Variants in CAPG observed in about 807,000 individuals in gnomAD.
CAPG encodes the protein macrophage-capping protein.
CAPG carries 32 observed loss-of-function variants against 44.6 expected under a neutral mutation model. The ratio of observed to expected loss-of-function variants is 0.72; its 90% CI spans 0.54 to 0.96. The LOEUF (loss-of-function observed/expected upper bound fraction) is 0.96, where lower values mean the gene tolerates loss of function less well. Ranked by LOEUF, CAPG falls within the 50% of genes least tolerant of loss-of-function variation. The pLI is 0.00. For missense variants in CAPG, 412 were observed against 438.3 expected (o/e 0.94, Z 0.54); for synonymous variants, 175 against 179.6 (o/e 0.97, Z 0.20).
rs114167618 is a variant in CAPG, at chr2:85,408,455, G to A, written c.-14+1862C>T. Among the ~76,000 whole-genome samples the A allele has an allele frequency of 9.4e-3, 1,420 of 151,410 alleles. 24 individuals are homozygous for A. Among genetic ancestry groups the A allele is most frequent in the African/African-American group, 0.033 (1,369 of 41,212 alleles). On this transcript the variant is annotated intron_variant, in intron 1 of 9. Transcript: ENST00000263867. Reference sequence around the variant, plus strand: ...ACTTCCAGGACATTAAGTGGCCTCCGCCTTCTCTGGGAGTTCTCCCAGCCC... The same window carrying A: ...ACTTCCAGGACATTAAGTGGCCTCCACCTTCTCTGGGAGTTCTCCCAGCCC...
Position 85,398,099 on chromosome 2 carries a change from T to C in CAPG, c.813A>G (p.Pro271=). The C allele has an allele frequency of 6.8e-6, 11 of 1,613,870 alleles. No individual in the cohort carries two copies. Among genetic ancestry groups the C allele is most frequent in the South Asian group, 1.1e-5 (1 of 91,072 alleles). The part of the protein sequence containing the change: ...MNLTKVADSS[P]FALELLISDD... The stretch of plus-strand genomic sequence containing the variant: ...CAGATATCAGCAGTTCAAGGGCAAA[T>C]GGGCTGGAGTCAGCCACCTTGGTCA... The change falls in exon 8 of 10, where the codon CCA becomes CCG. Residue 271 remains proline (P), a synonymous_variant. Transcript: ENST00000263867.
upstream of CAPG, among the ~76,000 whole-genome samples, chr2:85,410,780 T>A (rs1397138827): frequency 2.6e-5 from 4 of 152,012 alleles, no homozygotes; most frequent in Admixed American, 1.3e-4. Flanking sequence ...TCACATTACT[T>A]TTTCCTCCTC....
chr2:85,398,273 G>A (rs753401039), intron 7 of CAPG, 121 bp from the exon 8 acceptor site: 26 of 1,160,436 alleles, frequency 2.2e-5, no homozygotes, highest in Non-Finnish European at 3.2e-5. Flanking sequence ...CCACTGCCCA[G>A]GTCCCAGGAG....
At chr2:85,405,692 A>G (rs538713460) in intron 1 of CAPG, among the ~76,000 whole-genome samples, 1 of 152,334 alleles carries the variant, frequency 6.6e-6, no homozygotes, top group South Asian at 2.1e-4. Flanking sequence ...CAACCTACAA[A>G]ATAGTGGAAG....
At chr2:85,413,936 T>C (rs1451230943), upstream of CAPG, 1 of 152,134 alleles carries the variant, frequency 6.6e-6, no homozygotes, top group Non-Finnish European at 1.5e-5. Flanking sequence ...GACCCCTACA[T>C]GGGGAGCCCA....
intron 4 of CAPG, 33 bp from the exon 5 acceptor site, chr2:85,401,362 A>T (rs1411003078): frequency 1.2e-6 from 2 of 1,607,282 alleles, no homozygotes; most frequent in Non-Finnish European, 1.7e-6. Context: ...GAGTGGACTG[A>T]CAGGAGACCC....
chr2:85,411,604 G>A (rs946670543), upstream of CAPG, among the ~76,000 whole-genome samples: 4 of 152,240 alleles, frequency 2.6e-5, no homozygotes, highest in Non-Finnish European at 2.9e-5. Context: ...TAGCCGGCCT[G>A]TCCTGGAAAG....
chr2:85,415,631 G>A (rs182706181), intron 1 of CAPG, among the ~76,000 whole-genome samples: 18 of 152,180 alleles, frequency 1.2e-4, no homozygotes, highest in Non-Finnish European at 2.2e-4. Context: ...CCTGCATAGC[G>A]CCCAGCAGGT....
intron 5 of CAPG, among the ~76,000 whole-genome samples, chr2:85,400,704 A>G (rs546314307): frequency 6.6e-6 from 1 of 152,048 alleles, no homozygotes; most frequent in Admixed American, 6.5e-5. Context: ...CTCAGGCTAG[A>G]GGGCCCCTCC....
In CAPG at chr2:85,394,798, C is replaced by T; in HGVS notation, c.*95G>A. The T allele has an allele frequency of 1.2e-6, 1 of 867,430 alleles. No individual in the cohort carries two copies. Among genetic ancestry groups the T allele is most frequent in the South Asian group, 1.3e-5 (1 of 75,590 alleles). 53.7% of individuals were successfully genotyped at this position (867,430 alleles called of 1,614,324 possible). A position where few individuals can be genotyped will look rare whatever the true frequency, so the allele number is the denominator to read the frequency against. ...AGCACTTGTCTCCTTTATTGAACATCTGCAGGGGGCACCTCTGCACTGACC... is the reference window on the plus strand; with the variant it reads ...AGCACTTGTCTCCTTTATTGAACATTTGCAGGGGGCACCTCTGCACTGACC... On this transcript the variant is annotated 3_prime_UTR_variant, in exon 10 of 10. Coordinates refer to ENST00000263867, the MANE Select transcript of CAPG (RefSeq NM_001747.4).
upstream of CAPG, chr2:85,414,205 A>G (rs1687499941): frequency 6.6e-6 from 1 of 152,286 alleles, no homozygotes; most frequent in Admixed American, 6.5e-5. Flanking sequence ...ACTGTGCTGT[A>G]AACTTTGCGA....
At chr2:85,413,633 G>A (rs975872698), upstream of CAPG, among the ~76,000 whole-genome samples, 7 of 152,096 alleles carry the variant, frequency 4.6e-5, no homozygotes, top group Non-Finnish European at 1.0e-4. Context: ...CTCAGCCTAG[G>A]ACTCTCGGGA....
upstream of CAPG, chr2:85,419,093 G>C (rs1384219174): frequency 6.6e-6 from 1 of 152,480 alleles, no homozygotes; most frequent in Non-Finnish European, 1.5e-5. Flanking sequence ...GTCTGTTAGG[G>C]TCCCTGTGTG....
chr2:85,392,164 G>T (rs1686401175), downstream of CAPG, among the ~76,000 whole-genome samples: 1 of 152,234 alleles, frequency 6.6e-6, no homozygotes, highest in Non-Finnish European at 1.5e-5. Flanking sequence ...GCCGAGGCGG[G>T]TGGATCACGA....
intron 1 of CAPG, among the ~76,000 whole-genome samples, chr2:85,416,060 A>G (rs1258694920): frequency 6.6e-6 from 1 of 152,146 alleles, no homozygotes; most frequent in East Asian, 1.9e-4. Context: ...AATGCAAGAT[A>G]CCATCACCAT....
intron 7 of CAPG, 37 bp downstream of exon 7, chr2:85,398,653 C>T (rs1686725309): frequency 9.1e-6 from 14 of 1,531,092 alleles, no homozygotes; most frequent in Non-Finnish European, 1.2e-5. Flanking sequence ...CCCACCCTCC[C>T]TGCTGCCGGG....
rs200367181 is a variant in CAPG at position 85,404,640 on chromosome 2, TG to T, written c.-13-2483del. 9.3e-3 allele frequency among the ~76,000 whole-genome samples: 1,416 copies of T among 151,946 alleles called. 23 individuals are homozygous for T. Among genetic ancestry groups the T allele is most frequent in the African/African-American group, 0.033 (1,366 of 41,414 alleles). On this transcript the variant is annotated intron_variant, in intron 1 of 9. Transcript: ENST00000263867. ...GCATGCGTCTGTAATCCCAGCTACT[TG>T]GGAGGCTGAGGCAGGAGAATTGCTT...
chr2:85,415,592 G>T (rs1284601988), intron 1 of CAPG, among the ~76,000 whole-genome samples: 1 of 152,164 alleles, frequency 6.6e-6, no homozygotes, highest in Non-Finnish European at 1.5e-5. Flanking sequence ...GCCAGGGACC[G>T]TGTCAAGTCA....
At position 85,395,703 on chromosome 2, in the gene CAPG, T is replaced by G; in HGVS notation, c.893-77A>C. 1 of 1,058,070 alleles carries G rather than the reference T, an allele frequency of 9.5e-7. No individual in the cohort carries two copies. Among genetic ancestry groups the G allele is most frequent in the Non-Finnish European group, 1.4e-6 (1 of 703,368 alleles). 65.5% of individuals were successfully genotyped at this position (1,058,070 alleles called of 1,614,324 possible). A position where few individuals can be genotyped will look rare whatever the true frequency, so the allele number is the denominator to read the frequency against. On this transcript the variant is annotated intron_variant, in intron 8 of 9. Coordinates refer to ENST00000263867, the MANE Select transcript of CAPG (RefSeq NM_001747.4). The surrounding 1 kb of genome is among the most constrained non-coding windows in gnomAD (Gnocchi z 4.3). ...CCATCCCATTTTTCTTGAGGAAATTTAAGGGAGTCCACAGAAGAGCCAGCA... is the reference window on the plus strand; with the variant it reads ...CCATCCCATTTTTCTTGAGGAAATTGAAGGGAGTCCACAGAAGAGCCAGCA...
Sources: gnomAD v4.1 joint callset for allele counts (sites outside exome capture counted in the v4.1 genomes callset) on GRCh38, gnomAD v4.1.1 for gene constraint, Gnocchi (gnomAD v3.1) non-coding constraint, MANE v1.5 for transcripts, NCBI Gene and HGNC (gene_info 2026-07-23, HGNC 2026-07-21) for gene names.